The following B3GALT1 variants were observed in gnomAD, a reference collection of about 807,000 sequenced individuals.
B3GALT1 encodes UDP-Gal:betaGlcNAc beta 1,3-galactosyltransferase, polypeptide 1.
Under a neutral mutation model 23.2 loss-of-function variants are expected in B3GALT1, and 10 were observed. The observed-to-expected ratio is 0.43, with a 90% CI of 0.27 to 0.73. The LOEUF (loss-of-function observed/expected upper bound fraction) is 0.73. Ranked by LOEUF, B3GALT1 falls within the 30% of genes least tolerant of loss-of-function variation. The pLI, the probability that B3GALT1 is intolerant of heterozygous loss-of-function variation, is 0.21. For synonymous variants in B3GALT1, 156 were observed against 141.5 expected (o/e 1.10, Z -0.73); for missense variants, 299 against 405.4 (o/e 0.74, Z 2.25).
intron 2 of B3GALT1, among the ~76,000 whole-genome samples, chr2:167,563,872 C>T (rs1361446518): frequency 7.4e-6 from 1 of 135,330 alleles, no homozygotes; most frequent in Non-Finnish European, 1.6e-5. Context: ...AGGCGCCCCT[C>T]ATCTGCCGGA....
chr2:167,562,852 T>C (rs1489325538), intron 2 of B3GALT1, among the ~76,000 whole-genome samples: 1 of 151,974 alleles, frequency 6.6e-6, no homozygotes, highest in Non-Finnish European at 1.5e-5. Context: ...GTGATGACTC[T>C]TAAGGAGCAT....
chr2:167,600,496 A>C (rs111454239), intron 2 of B3GALT1, among the ~76,000 whole-genome samples: 2,329 of 152,264 alleles, frequency 0.015, 29 homozygotes, highest in African/African-American at 0.019. Flanking sequence ...ATCACCTCAA[A>C]AAAGAAACCT....
At chr2:167,445,034 A>G (rs931017471) in intron 1 of B3GALT1, among the ~76,000 whole-genome samples, 3 of 152,124 alleles carry the variant, frequency 2.0e-5, no homozygotes, top group Admixed American at 6.5e-5. Flanking sequence ...ACACTGCTTT[A>G]AATGTGTCCC....
chr2:167,714,434 G>T, intron 3 of B3GALT1: 3 of 1,577,094 alleles, frequency 1.9e-6, no homozygotes, highest in Non-Finnish European at 2.6e-6. Flanking sequence ...GAGTCTGAGT[G>T]GATCCTCCAA....
At chr2:167,598,508 A>G (rs1267255104) in intron 2 of B3GALT1, among the ~76,000 whole-genome samples, 3 of 152,256 alleles carry the variant, frequency 2.0e-5, no homozygotes, top group African/African-American at 7.2e-5. Context: ...AGTACTTATA[A>G]AATGGAAAGA....
intron 2 of B3GALT1, among the ~76,000 whole-genome samples, chr2:167,607,505 AG>A (rs1684986152): frequency 6.6e-6 from 1 of 152,184 alleles, no homozygotes; most frequent in Non-Finnish European, 1.5e-5. Flanking sequence ...TATGCCCAGG[AG>A]TACTGTGTGA....
intron 1 of B3GALT1, among the ~76,000 whole-genome samples, chr2:167,369,061 T>TTGTGTGTGTGTGTGTGTGTG (rs60938716): frequency 6.8e-6 from 1 of 147,468 alleles, no homozygotes. Context: ...AAACTCTTAT[T>TTGTGTGTGTGTGTGTGTGTG]TGTGTGTGTG....
chr2:167,820,952 C>A (rs754092278), intron 4 of B3GALT1, among the ~76,000 whole-genome samples: 1 of 152,156 alleles, frequency 6.6e-6, no homozygotes, highest in Non-Finnish European at 1.5e-5. Context: ...GATTTGTTTA[C>A]ACAAATCAAA....
intron 3 of B3GALT1, among the ~76,000 whole-genome samples, chr2:167,675,268 C>T (rs905920944): frequency 6.6e-6 from 1 of 152,186 alleles, no homozygotes; most frequent in African/African-American, 2.4e-5. Flanking sequence ...GGTCTGAAAA[C>T]AGTTTTATGT....
intron 1 of B3GALT1, among the ~76,000 whole-genome samples, chr2:167,373,846 A>G (rs1173472725): frequency 1.3e-5 from 2 of 152,218 alleles, no homozygotes; most frequent in East Asian, 1.9e-4. Context: ...GGTGTGAGCC[A>G]TTGCCTCTGG....
intron 1 of B3GALT1, among the ~76,000 whole-genome samples, chr2:167,416,563 G>C (rs1698474175): frequency 6.6e-6 from 1 of 152,208 alleles, no homozygotes; most frequent in African/African-American, 2.4e-5. Flanking sequence ...GGTTAGAGTT[G>C]CCACAGAGAG....
At chr2:167,457,241 C>T (rs564979851) in intron 1 of B3GALT1, among the ~76,000 whole-genome samples, 283 of 152,112 alleles carry the variant, frequency 1.9e-3, no homozygotes, top group African/African-American at 6.6e-3. Flanking sequence ...GGCGCGATCT[C>T]GGCTCACTGC....
At chr2:167,491,279 A>C (rs1041789527) in intron 2 of B3GALT1, among the ~76,000 whole-genome samples, 1 of 152,066 alleles carries the variant, frequency 6.6e-6, no homozygotes, top group Non-Finnish European at 1.5e-5. Context: ...GGGCCTGAAC[A>C]CTCTGTGGTA....
In B3GALT1 at chr2:167,348,182, T is replaced by G. The variant is rs530535746; in HGVS notation, c.-511+54848T>G. On this transcript the variant is annotated intron_variant, in intron 1 of 4. Coordinates refer to ENST00000392690, the MANE Select transcript of B3GALT1 (RefSeq NM_020981.4). ...TCAGTAAAGGTTAACCCTTAAAATA[T>G]TATTATTAAAACAGTATATACTTTT... Among the ~76,000 whole-genome samples the G allele has an allele frequency of 2.0e-5, 3 of 152,294 alleles. No homozygotes were observed. The South Asian group carries it at 6.2e-4, about 32-fold the overall frequency.
chr2:167,858,950 C>CT (rs1431665356), intron 4 of B3GALT1, among the ~76,000 whole-genome samples: 5 of 152,136 alleles, frequency 3.3e-5, no homozygotes, highest in African/African-American at 1.2e-4. Flanking sequence ...AGTGAATACA[C>CT]TAACAGCTTT....
intron 1 of B3GALT1, among the ~76,000 whole-genome samples, chr2:167,410,883 G>C (rs2689853): frequency 6.6e-6 from 1 of 152,106 alleles, no homozygotes; most frequent in Non-Finnish European, 1.5e-5. Context: ...TTGACCTTGT[G>C]TAAGTGTCAC....
chr2:167,676,386 G>T (rs944497755), intron 3 of B3GALT1, among the ~76,000 whole-genome samples: 1 of 151,970 alleles, frequency 6.6e-6, no homozygotes, highest in African/African-American at 2.4e-5. Context: ...AAGTGAATAC[G>T]TAAAGGCTTT....
At chr2:167,303,816 C>A (rs1158259755) in intron 1 of B3GALT1, among the ~76,000 whole-genome samples, 1 of 151,972 alleles carries the variant, frequency 6.6e-6, no homozygotes, top group African/African-American at 2.4e-5. Flanking sequence ...ATTTTTGTTT[C>A]CATGAGCAAT....
intron 4 of B3GALT1, among the ~76,000 whole-genome samples, chr2:167,850,660 G>T (rs906722616): frequency 3.9e-5 from 6 of 152,156 alleles, no homozygotes; most frequent in Non-Finnish European, 7.4e-5. Context: ...ATCAATCAAG[G>T]AATGGATAAA....
Sources: allele counts gnomAD v4.1 joint callset (sites outside exome capture counted in the v4.1 genomes callset), GRCh38; gene constraint gnomAD v4.1.1; transcripts MANE v1.5; gene names NCBI Gene and HGNC (gene_info 2026-07-23, HGNC 2026-07-21).